GPHN: variants seen among roughly 807,000 people sequenced by gnomAD.
GPHN encodes the protein gephyrin.
GPHN carries 17 observed loss-of-function variants against 95.5 expected under a neutral mutation model. The observed-to-expected ratio is 0.18, with a 90% CI of 0.12 to 0.27. The LOEUF (loss-of-function observed/expected upper bound fraction) is 0.27, where lower values mean the gene tolerates loss of function less well. GPHN is among the 10% of genes least tolerant of loss of function. GPHN has a pLI of 1.00. For missense variants in GPHN, 660 were observed against 978.1 expected (o/e 0.67, Z 4.34); for synonymous variants, 320 against 322.5 (o/e 0.99, Z 0.08).
At chr14:67,101,719 C>G (rs1347533939) in intron 13 of GPHN, among the ~76,000 whole-genome samples, 3 of 151,562 alleles carry the variant, frequency 2.0e-5, no homozygotes, top group African/African-American at 7.3e-5. Flanking sequence ...TTATATTTTA[C>G]ACTCTTTTAG....
chr14:66,648,570 G>T (rs1196358708), intron 1 of GPHN, among the ~76,000 whole-genome samples: 1 of 152,016 alleles, frequency 6.6e-6, no homozygotes, highest in East Asian at 1.9e-4. Flanking sequence ...TCTTCTATAG[G>T]TTTGTAGCCT....
chr14:66,569,532 G>C (rs1159737114), intron 1 of GPHN, among the ~76,000 whole-genome samples: 1 of 151,960 alleles, frequency 6.6e-6, no homozygotes, highest in Non-Finnish European at 1.5e-5. Flanking sequence ...GCATGGTGGG[G>C]GGCCCCTGTA....
chr14:67,279,585 C>G, the GPHN span: 2 of 1,479,252 alleles, frequency 1.4e-6, no homozygotes, highest in South Asian at 2.8e-5. Context: ...TTTAATTTAT[C>G]TGTGCCTTAT....
the GPHN span, among the ~76,000 whole-genome samples, chr14:67,485,147 G>T: frequency 6.6e-6 from 1 of 152,216 alleles, no homozygotes; most frequent in East Asian, 1.9e-4. Flanking sequence ...TCCAGAAGGA[G>T]AATCACTGAA....
intron 1 of GPHN, among the ~76,000 whole-genome samples, chr14:66,522,615 T>C (rs2058526656): frequency 6.6e-6 from 1 of 152,142 alleles, no homozygotes; most frequent in Admixed American, 6.6e-5. Flanking sequence ...TGGTGGTCTT[T>C]CCCCTGCAGA....
At chr14:67,095,170 C>A (rs1284355598) in intron 12 of GPHN, among the ~76,000 whole-genome samples, 1 of 152,142 alleles carries the variant, frequency 6.6e-6, no homozygotes, top group Admixed American at 6.5e-5. Flanking sequence ...AAAATTTGGA[C>A]TCCTGTAGTT....
chr14:67,211,785 T>C, the GPHN span, among the ~76,000 whole-genome samples: 4,597 of 152,140 alleles, frequency 0.03, 87 homozygotes, highest in Non-Finnish European at 0.036. Flanking sequence ...TTTGAAGTTT[T>C]GGTGAGCATG....
intron 1 of GPHN, among the ~76,000 whole-genome samples, chr14:66,650,092 C>CAAAAA (rs112227406): frequency 8.4e-6 from 1 of 119,614 alleles, no homozygotes; most frequent in Non-Finnish European, 1.8e-5. Flanking sequence ...GACTGCCAAC[C>CAAAAA]AAAAAAAAAA....
chr14:66,877,824 C>A (rs1401992272), intron 4 of GPHN, among the ~76,000 whole-genome samples: 1 of 152,136 alleles, frequency 6.6e-6, no homozygotes, highest in Non-Finnish European at 1.5e-5. Context: ...TTTATAGATT[C>A]AATGCTATCC....
intron 3 of GPHN, among the ~76,000 whole-genome samples, chr14:66,782,281 CT>C (rs1422361462): frequency 6.6e-6 from 1 of 152,112 alleles, no homozygotes; most frequent in African/African-American, 2.4e-5. Context: ...TCTATTTATT[CT>C]TTTCTCAGCA....
At chr14:67,576,499 T>G in the GPHN span, 1 of 1,547,596 alleles carries the variant, frequency 6.5e-7, no homozygotes, top group East Asian at 2.2e-5. This position sits in a 1 kb window ranked among gnomAD's most constrained non-coding sequence, Gnocchi z 4.0. Flanking sequence ...GTGAAGGAGA[T>G]CCAGGTAAGG....
rs10711873 is a variant in GPHN, at chr14:66,680,999, GA to G, written c.65-97del. On this transcript the variant is annotated intron_variant, in intron 1 of 22. Coordinates refer to ENST00000478722, the MANE Select transcript of GPHN (RefSeq NM_020806.5). ...TCAATAGTAATGTTTGGGGAAAAAT[GA>G]AAAAAAAAAAGCTATTTTTCATTTC... is the stretch of plus-strand genomic sequence containing the variant. 0.19 allele frequency: 98,468 copies of G among 525,440 alleles called. 12,312 individuals carry two copies. Among genetic ancestry groups the G allele is most frequent in the African/African-American group, 0.51 (26,348 of 51,988 alleles). The allele number at this position is 525,440 out of a possible 1,614,324, so 32.5% of individuals were successfully genotyped here.
the GPHN span, among the ~76,000 whole-genome samples, chr14:67,465,045 C>T: frequency 2.6e-5 from 4 of 152,200 alleles, no homozygotes; most frequent in Non-Finnish European, 5.9e-5. Context: ...TGCCACAGGC[C>T]TAGCGCAGGG....
chr14:67,573,745 G>A, the GPHN span: 3 of 1,112,096 alleles, frequency 2.7e-6, no homozygotes, highest in Middle Eastern at 2.0e-4. The surrounding 1 kb of genome is among the most constrained non-coding windows in gnomAD (Gnocchi z 4.8). Context: ...GGTAAATGAG[G>A]TGCTCCGGAA....
chr14:67,373,842 A>AGAGTGTGTGTGT, the GPHN span, among the ~76,000 whole-genome samples: 21 of 145,798 alleles, frequency 1.4e-4, no homozygotes, highest in African/African-American at 5.0e-4. Flanking sequence ...TAATTTGTTC[A>AGAGTGTGTGTGT]GTGTGTGTGT....
At chr14:66,949,538 C>CA (rs1257247002) in intron 8 of GPHN, among the ~76,000 whole-genome samples, 1 of 152,104 alleles carries the variant, frequency 6.6e-6, no homozygotes. Flanking sequence ...GACTTGGCCA[C>CA]CAAGCTGGTC....
At chr14:66,937,232 G>T (rs578118214) in intron 8 of GPHN, among the ~76,000 whole-genome samples, 1 of 152,020 alleles carries the variant, frequency 6.6e-6, no homozygotes, top group Non-Finnish European at 1.5e-5. Flanking sequence ...TCAAACTCCT[G>T]GATTCAAGCA....
chr14:67,552,902 A>C, the GPHN span, among the ~76,000 whole-genome samples: 1 of 152,250 alleles, frequency 6.6e-6, no homozygotes. Flanking sequence ...GTGCCTTGCC[A>C]TTCAATCTAC....
chr14:67,419,768 G>A, the GPHN span, among the ~76,000 whole-genome samples: 1 of 151,786 alleles, frequency 6.6e-6, no homozygotes, highest in Non-Finnish European at 1.5e-5. Context: ...AGAATGGCGT[G>A]AACCTGGGAG....
Sources: allele counts gnomAD v4.1 joint callset (sites outside exome capture counted in the v4.1 genomes callset), GRCh38; gene constraint gnomAD v4.1.1; non-coding constraint Gnocchi (gnomAD v3.1); transcripts MANE v1.5; gene names NCBI Gene and HGNC (gene_info 2026-07-23, HGNC 2026-07-21).